The following PIBF1 variants were observed in gnomAD, a reference collection of about 807,000 sequenced individuals.
PIBF1 encodes the protein progesterone immunomodulatory binding factor 1.
Under a neutral mutation model 112.5 loss-of-function variants are expected in PIBF1, and 90 were observed. The ratio of observed to expected loss-of-function variants is 0.80; its 90% CI spans 0.67 to 0.95. The LOEUF is 0.95. PIBF1 is among the 40% of genes least tolerant of loss of function. PIBF1 has a pLI of 0.00. For missense variants in PIBF1, 915 were observed against 852.3 expected (o/e 1.07, Z -0.92); for synonymous variants, 301 against 288.6 (o/e 1.04, Z -0.44).
At chr13:72,843,374 T>C (rs1275814221) in intron 9 of PIBF1, among the ~76,000 whole-genome samples, 1 of 152,194 alleles carries the variant, frequency 6.6e-6, no homozygotes. Context: ...ACCTCAGTAG[T>C]GTCAGAGTGA....
chr13:72,999,901 C>T (rs1977604), intron 17 of PIBF1, among the ~76,000 whole-genome samples: 151,082 of 152,268 alleles, frequency 0.99, 74,967 homozygotes, highest in Middle Eastern at 1. Flanking sequence ...AAACCCTATC[C>T]CTACTAAAAA....
intron 11 of PIBF1, among the ~76,000 whole-genome samples, chr13:72,907,026 A>C (rs2040726580): frequency 6.6e-6 from 1 of 152,098 alleles, no homozygotes; most frequent in African/African-American, 2.4e-5. Flanking sequence ...AGTTTCTAGA[A>C]AACACATTCC....
In PIBF1 at chr13:72,976,817, G is replaced by C. The variant is rs551701660; in HGVS notation, c.2049+3142G>C. On this transcript the variant is annotated intron_variant, in intron 16 of 17. Transcript: ENST00000326291. Reference sequence around the variant, plus strand: ...TTCACTTGATTGTTCAGAGGATCATGTCCTCATAATAGTCAATAGATAACA... The same window carrying C: ...TTCACTTGATTGTTCAGAGGATCATCTCCTCATAATAGTCAATAGATAACA... Among the ~76,000 whole-genome samples, 6 of 152,290 alleles carry C rather than the reference G, an allele frequency of 3.9e-5. No homozygotes were observed. The South Asian group carries it at 1.2e-3, about 32-fold the overall frequency.
intron 14 of PIBF1, among the ~76,000 whole-genome samples, chr13:72,942,467 G>T (rs1420978845): frequency 6.6e-6 from 1 of 151,802 alleles, no homozygotes; most frequent in South Asian, 2.1e-4. Flanking sequence ...TTTCAATGCC[G>T]AATCCCTTGT....
intron 14 of PIBF1, among the ~76,000 whole-genome samples, chr13:72,955,283 A>G (rs1019840815): frequency 3.3e-5 from 5 of 152,104 alleles, no homozygotes; most frequent in African/African-American, 1.2e-4. Flanking sequence ...GAAAAAATTC[A>G]GTTAATATGG....
intron 15 of PIBF1, among the ~76,000 whole-genome samples, chr13:72,968,697 T>A (rs1230737481): frequency 6.6e-6 from 1 of 152,062 alleles, no homozygotes; most frequent in Admixed American, 6.6e-5. Context: ...ATTTTTAATT[T>A]TATTAAAATT....
rs549070327 is a variant in PIBF1, at chr13:72,935,169, A to G, written c.1833+3902A>G. On this transcript the variant is annotated intron_variant, in intron 14 of 17. Coordinates refer to ENST00000326291, the MANE Select transcript of PIBF1 (RefSeq NM_006346.4). ...CCCGGATAATTTTTGTATTTTTAGT[A>G]GAGGCGGGGTTTCACTATGTTGGCC... is the stretch of plus-strand genomic sequence containing the variant. 2.0e-5 allele frequency among the ~76,000 whole-genome samples: 3 copies of G among 152,212 alleles called. No homozygotes were observed. In the East Asian group the frequency reaches 5.8e-4, roughly 29 times the overall value.
At chr13:72,840,354 A>T (rs1288440613) in intron 9 of PIBF1, among the ~76,000 whole-genome samples, 1 of 152,110 alleles carries the variant, frequency 6.6e-6, no homozygotes, top group Non-Finnish European at 1.5e-5. Context: ...TTACACATTT[A>T]AGGTTGTGTG....
chr13:72,907,812 C>A lies in PIBF1; in HGVS notation c.1489-719C>A, dbSNP rs181426111. Among the ~76,000 whole-genome samples, 141 of 152,092 alleles carry A rather than the reference C, an allele frequency of 9.3e-4. 1 individual carries two copies. The highest frequency in any genetic ancestry group is 1.6e-3 in the Non-Finnish European group (107 of 67,968). On this transcript the variant is annotated intron_variant, in intron 11 of 17. Transcript: ENST00000326291. ...GATAATTGGAATTTAAGCATTAAAA[C>A]ATTTCCGTATCACTAGAGGCATCTC...
intron 2 of PIBF1, among the ~76,000 whole-genome samples, chr13:72,790,123 A>G (rs1462104606): frequency 1.3e-5 from 2 of 152,048 alleles, no homozygotes; most frequent in Non-Finnish European, 1.5e-5. Flanking sequence ...CCATTTTTTA[A>G]TTCTTGCTTT....
chr13:72,814,986 G>A (rs2036198717), intron 5 of PIBF1, among the ~76,000 whole-genome samples: 2 of 152,164 alleles, frequency 1.3e-5, no homozygotes, highest in South Asian at 4.1e-4. Context: ...ATAAGTAAAA[G>A]TGTACAACTG....
At chr13:72,953,582 T>A (rs1207989292) in intron 14 of PIBF1, among the ~76,000 whole-genome samples, 4 of 152,174 alleles carry the variant, frequency 2.6e-5, no homozygotes, top group Admixed American at 6.5e-5. Context: ...ATTTCCTTAG[T>A]TACAAATAAC....
intron 10 of PIBF1, among the ~76,000 whole-genome samples, chr13:72,888,892 G>A (rs1278222529): frequency 6.6e-6 from 1 of 152,076 alleles, no homozygotes; most frequent in Non-Finnish European, 1.5e-5. Flanking sequence ...AGGAGAAATG[G>A]AATTGAGAGT....
At chr13:73,012,857 A>G (rs1220365822) in intron 17 of PIBF1, among the ~76,000 whole-genome samples, 2 of 152,194 alleles carry the variant, frequency 1.3e-5, no homozygotes, top group South Asian at 2.1e-4. Flanking sequence ...GCTATAGCAT[A>G]TATTTAATGA....
intron 10 of PIBF1, among the ~76,000 whole-genome samples, chr13:72,878,929 C>T (rs180781577): frequency 6.6e-6 from 1 of 152,106 alleles, no homozygotes; most frequent in Non-Finnish European, 1.5e-5. Context: ...GCAAGCTACT[C>T]CCAGTTTCTT....
Position 72,934,455 on chromosome 13 carries a change from G to A in PIBF1, c.1833+3188G>A, listed in dbSNP as rs146871142. 1.6e-3 allele frequency among the ~76,000 whole-genome samples: 237 copies of A among 152,096 alleles called. No individual in the cohort carries two copies. The Middle Eastern group carries it at 0.017, about 11-fold the overall frequency. ...TGGTATTACAGGTGCACGCCACCACGCTGGGCTAATTTTTTGTATTTTTAG... is the reference window on the plus strand; with the variant it reads ...TGGTATTACAGGTGCACGCCACCACACTGGGCTAATTTTTTGTATTTTTAG... On this transcript the variant is annotated intron_variant, in intron 14 of 17. Coordinates refer to ENST00000326291, the MANE Select transcript of PIBF1 (RefSeq NM_006346.4).
intron 12 of PIBF1, among the ~76,000 whole-genome samples, chr13:72,912,987 A>G (rs911999008): frequency 6.7e-5 from 10 of 150,296 alleles, no homozygotes; most frequent in East Asian, 5.8e-4. Flanking sequence ...TGATTATACT[A>G]TATGATTATA....
intron 16 of PIBF1, among the ~76,000 whole-genome samples, chr13:72,990,520 CTCCATCTCAA>C (rs2043443194): frequency 1.5e-5 from 2 of 135,872 alleles, no homozygotes; most frequent in Admixed American, 1.5e-4. Context: ...GACTCCATCT[CTCCATCTCAA>C]AAAAAAAAAA....
chr13:72,922,404 C>T (rs935572287), intron 13 of PIBF1, among the ~76,000 whole-genome samples: 1 of 152,144 alleles, frequency 6.6e-6, no homozygotes, highest in Admixed American at 6.5e-5. Flanking sequence ...GTTTTCCTTT[C>T]AGTTGTGATT....
Sources: allele counts gnomAD v4.1 joint callset (sites outside exome capture counted in the v4.1 genomes callset), GRCh38; gene constraint gnomAD v4.1.1; transcripts MANE v1.5; gene names NCBI Gene and HGNC (gene_info 2026-07-23, HGNC 2026-07-21).